The following SVEP1 variants were observed in gnomAD, a reference collection of about 807,000 sequenced individuals.
SVEP1 encodes sushi, von Willebrand factor type A, EGF and pentraxin domain-containing protein 1.
A neutral mutation model predicts 367.3 loss-of-function variants in SVEP1; 164 were observed. The observed-to-expected ratio is 0.45, with a 90% CI of 0.39 to 0.51. SVEP1 has a LOEUF of 0.51. Among genes scored for constraint, SVEP1 ranks in the 20% least tolerant of loss-of-function variants. The pLI is 0.00. For synonymous variants in SVEP1, 1,666 were observed against 1,611.6 expected, an observed-to-expected ratio of 1.03 and a Z score of -0.81; for missense variants, 4,117 against 4,425.3, an observed-to-expected ratio of 0.93 and a Z score of 1.98.
chr9:110,579,534 G>A lies in SVEP1; in HGVS notation c.10C>T (p.Arg4Cys), dbSNP rs1263359407. Residue 4 changes from arginine to cysteine, a missense_variant, in exon 1 of 48, where the codon CGC (arginine) becomes TGC (cysteine). By Grantham distance (180) the Arg-to-Cys change is radical. Coordinates refer to ENST00000374469, the MANE Select transcript of SVEP1 (RefSeq NM_153366.4). The surrounding 1 kb of genome is among the most constrained non-coding windows in gnomAD (Gnocchi z 5.3). Reference protein sequence around the residue: MWPRLAFCCWGLAL... With the variant: MWPCLAFCCWGLAL... ...AGACCCCAGCAACAAAAGGCCAGGC[G>A]AGGCCACATCGCGCTGGAGACAGAG... The A allele has an allele frequency of 6.3e-7, 1 of 1,599,570 alleles. No individual in the cohort carries two copies.
intron 7 of SVEP1, among the ~76,000 whole-genome samples, chr9:110,497,999 T>G (rs1829478087): frequency 6.6e-6 from 1 of 152,200 alleles, no homozygotes; most frequent in African/African-American, 2.4e-5. Flanking sequence ...TGATTTTTCA[T>G]TCATGCTTAA....
At chr9:110,523,208 C>T (rs894109152) in intron 3 of SVEP1, among the ~76,000 whole-genome samples, 11 of 152,106 alleles carry the variant, frequency 7.2e-5, no homozygotes, top group African/African-American at 2.2e-4. Flanking sequence ...ACCTCCAGTC[C>T]CCATCACAGG....
At chr9:110,448,627 C>T (rs111681360) in intron 24 of SVEP1, among the ~76,000 whole-genome samples, 266 of 152,312 alleles carry the variant, frequency 1.7e-3, no homozygotes, top group African/African-American at 6.1e-3. Flanking sequence ...ACTTTGTCAA[C>T]AACCTATGTT....
At chr9:110,568,481 A>T (rs1830516935) in intron 1 of SVEP1, among the ~76,000 whole-genome samples, 1 of 152,124 alleles carries the variant, frequency 6.6e-6, no homozygotes, top group Non-Finnish European at 1.5e-5. Context: ...CATACTGACA[A>T]TTTACCATAT....
intron 27 of SVEP1, among the ~76,000 whole-genome samples, chr9:110,440,918 C>CA (rs777557310): frequency 1.7e-4 from 26 of 149,836 alleles, no homozygotes; most frequent in South Asian, 8.9e-4. Flanking sequence ...GAAAAGGGCA[C>CA]AGCCATAAAT....
Position 110,406,155 on chromosome 9 carries a change from C to A in SVEP1, c.9440+5G>T. 1 of 1,551,980 alleles carries A rather than the reference C, an allele frequency of 6.4e-7. No homozygotes were observed. Among genetic ancestry groups the A allele is most frequent in the Non-Finnish European group, 8.7e-7 (1 of 1,150,894 alleles). On this transcript the variant is annotated splice_donor_5th_base_variant and intron_variant, in intron 38 of 47. Coordinates refer to ENST00000374469, the MANE Select transcript of SVEP1 (RefSeq NM_153366.4). ...CCCTTGGAGACCCTAGAGCCATGATCTTACCTGAGTTTCACTTCACTTTCA... is the reference window on the plus strand; with the variant it reads ...CCCTTGGAGACCCTAGAGCCATGATATTACCTGAGTTTCACTTCACTTTCA...
chr9:110,536,764 G>A (rs994126070), intron 3 of SVEP1, among the ~76,000 whole-genome samples: 3 of 151,962 alleles, frequency 2.0e-5, no homozygotes, highest in South Asian at 4.2e-4. Flanking sequence ...TGTTACATAT[G>A]TATACATGTG....
chr9:110,367,301 A>C (rs554100336), intron 47 of SVEP1, among the ~76,000 whole-genome samples: 15 of 152,236 alleles, frequency 9.9e-5, no homozygotes, highest in Middle Eastern at 3.4e-3. Context: ...CTGAGACTAC[A>C]GGTGTGTGCC....
chr9:110,407,981 T>A lies in SVEP1; in HGVS notation c.7619A>T (p.Glu2540Val). 1 of 1,613,984 alleles carries A rather than the reference T, an allele frequency of 6.2e-7. No homozygotes were observed. The highest frequency in any genetic ancestry group is 8.5e-7 in the Non-Finnish European group (1 of 1,179,894). ...LEGPSALTCL[E>V]TGDWDVDAPS... ...GGCATCTACATCCCAATCACCTGTC[T>A]CTAAACAGGTCAAGGCACTGGGACC... The change falls in exon 38 of 48, where the codon GAG (glutamate) becomes GTG (valine). Residue 2540 changes from glutamate (E) to valine (V), a missense_variant. Glu to Val is a moderately radical substitution (Grantham distance 121, BLOSUM62 -2). Coordinates refer to ENST00000374469, the MANE Select transcript of SVEP1 (RefSeq NM_153366.4).
chr9:110,551,432 T>C (rs1294038606), intron 1 of SVEP1, among the ~76,000 whole-genome samples: 1 of 152,228 alleles, frequency 6.6e-6, no homozygotes, highest in East Asian at 1.9e-4. Flanking sequence ...GAAAATTAAA[T>C]GAAACTAACA....
intron 36 of SVEP1, among the ~76,000 whole-genome samples, chr9:110,417,350 G>T (rs537694893): frequency 8.9e-6 from 1 of 112,256 alleles, no homozygotes; most frequent in South Asian, 3.6e-4. Context: ...AAAGAAAGGG[G>T]TGACGGACGC....
At chr9:110,488,040 C>T (rs971509375) in intron 9 of SVEP1, among the ~76,000 whole-genome samples, 2 of 152,258 alleles carry the variant, frequency 1.3e-5, no homozygotes, top group African/African-American at 4.8e-5. Flanking sequence ...GACTGATCCG[C>T]AGCGGTGGTT....
chr9:110,470,482 G>A (rs771304550), intron 16 of SVEP1, among the ~76,000 whole-genome samples: 4 of 151,956 alleles, frequency 2.6e-5, no homozygotes, highest in Admixed American at 6.6e-5. Flanking sequence ...GCCCAGGCTG[G>A]AGTGCAGTGG....
chr9:110,443,938 G>A (rs1828553018), intron 26 of SVEP1, among the ~76,000 whole-genome samples: 1 of 151,894 alleles, frequency 6.6e-6, no homozygotes, highest in Non-Finnish European at 1.5e-5. Context: ...ATTGGTTTGT[G>A]TTTCTTAAAC....
At chr9:110,434,571 G>A (rs932310547) in intron 29 of SVEP1, 65 bp from the exon 30 acceptor site, 10 of 1,362,418 alleles carry the variant, frequency 7.3e-6, no homozygotes, top group Non-Finnish European at 9.7e-6. Flanking sequence ...CCAAGTCAAT[G>A]ATTTCAAACT....
At position 110,579,268 on chromosome 9, in the gene SVEP1, G is replaced by A; in HGVS notation, c.276C>T (p.Ser92=). 6.4e-7 allele frequency: 1 copy of A among 1,572,804 alleles called. No homozygotes were observed. Among genetic ancestry groups the A allele is most frequent in the Non-Finnish European group, 8.6e-7 (1 of 1,160,366 alleles). Reference sequence around the variant, plus strand: ...TGCGGAAGTTGACTTCGCCCACGCTGGACGAATCATCCACCAGGAAGACAA... The same window carrying A: ...TGCGGAAGTTGACTTCGCCCACGCTAGACGAATCATCCACCAGGAAGACAA... ...LELVFLVDDS[S]SVGEVNFRSE... is the part of the protein sequence containing the mutation. Residue 92 remains serine (S), a synonymous_variant, in exon 1 of 48, where the codon TCC becomes TCT. Transcript: ENST00000374469. This position sits in a 1 kb window ranked among gnomAD's most constrained non-coding sequence, Gnocchi z 5.3.
Position 110,489,782 on chromosome 9 carries a change from A to G in SVEP1, c.1801-3T>C. ...GCTGGATGAACGTGGACTGACACCT[A>G]TTGGAGATACACAAATATTTTGAAA... On this transcript the variant is annotated splice_region_variant and splice_polypyrimidine_tract_variant and intron_variant, in intron 8 of 47. Transcript: ENST00000374469. The G allele has an allele frequency of 6.2e-7, 1 of 1,605,646 alleles. No individual in the cohort carries two copies. The highest frequency in any genetic ancestry group is 1.3e-5 in the African/African-American group (1 of 74,766).
intron 4 of SVEP1, 132 bp downstream of exon 4, chr9:110,513,816 T>TC: frequency 9.2e-7 from 1 of 1,087,704 alleles, no homozygotes. Context: ...ATCATCCCAC[T>TC]CCCCCAAAAA....
chr9:110,430,433 C>A lies in SVEP1; in HGVS notation c.5371G>T (p.Ala1791Ser), dbSNP rs759302918. Residue 1791 changes from alanine to serine, a missense_variant, in exon 33 of 48, where the codon GCT (alanine) becomes TCT (serine). Transcript: ENST00000374469. ...KNCAEPIKCK[A>S]PGNPENGHSS... The stretch of plus-strand genomic sequence containing the variant: ...TGGCCATTTTCCGGATTTCCTGGAG[C>A]CTTACATTTTATAGGTTCTAGAAAC... 2 of 1,611,186 alleles carry A rather than the reference C, an allele frequency of 1.2e-6. No individual in the cohort carries two copies. The highest frequency in any genetic ancestry group is 8.5e-7 in the Non-Finnish European group (1 of 1,178,752).
Sources: gnomAD v4.1 joint callset for allele counts (sites outside exome capture counted in the v4.1 genomes callset) on GRCh38, gnomAD v4.1.1 for gene constraint, Gnocchi (gnomAD v3.1) non-coding constraint, MANE v1.5 for transcripts, NCBI Gene and HGNC (gene_info 2026-07-23, HGNC 2026-07-21) for gene names.